Variants in POLN observed in about 807,000 individuals in gnomAD.
The protein encoded by POLN is DNA polymerase nu, also known as DNA polymerase N.
POLN carries 108 observed loss-of-function variants against 113.5 expected under a neutral mutation model. That is an observed-to-expected ratio of 0.95 (90% confidence interval 0.81 to 1.12). POLN has a LOEUF of 1.12. Among genes scored for constraint, POLN ranks in the 50% most tolerant of loss-of-function variants. The probability of loss-of-function intolerance (pLI) is 0.00; values close to 1 mark genes in which losing one functional copy is unlikely to be tolerated. For synonymous variants in POLN, 386 were observed against 391.5 expected (o/e 0.99, Z 0.17); for missense variants, 1,097 against 1,077.1 (o/e 1.02, Z -0.26).
intron 3 of POLN, among the ~76,000 whole-genome samples, chr4:2,224,815 G>A (rs1365293117): frequency 6.6e-6 from 1 of 152,120 alleles, no homozygotes; most frequent in Non-Finnish European, 1.5e-5. Flanking sequence ...GCCAGGCGTG[G>A]TGGCAGGCAC....
chr4:2,153,726 G>A (rs897724151), intron 16 of POLN, among the ~76,000 whole-genome samples: 12 of 151,700 alleles, frequency 7.9e-5, no homozygotes, highest in Admixed American at 7.2e-4. Flanking sequence ...GGGACCACAG[G>A]CGCCCACTAC....
At chr4:2,197,521 G>C (rs1173435823) in intron 6 of POLN, among the ~76,000 whole-genome samples, 1 of 152,120 alleles carries the variant, frequency 6.6e-6, no homozygotes. Context: ...AGTTCAGTTT[G>C]GACATGTTTG....
intron 16 of POLN, among the ~76,000 whole-genome samples, chr4:2,153,785 T>A (rs1732352754): frequency 6.6e-6 from 1 of 151,902 alleles, no homozygotes; most frequent in African/African-American, 2.4e-5. Flanking sequence ...GGGGTTTCAC[T>A]GTGTAAGCCA....
rs372841495 is a variant in POLN, at chr4:2,075,432, C to G, written c.2455+20G>C. 1.3e-5 allele frequency: 21 copies of G among 1,612,818 alleles called. No homozygotes were observed. In the East Asian group the frequency reaches 3.8e-4, roughly 29 times the overall value. The stretch of plus-strand genomic sequence containing the variant: ...TAGCTGTCTGTGATGTCCAAGCAAC[C>G]CTGTGTTGCCCCAGGCTACCTGCAC... On this transcript the variant is annotated intron_variant, in intron 24 of 25. Transcript: ENST00000511885.
chr4:2,181,745 G>A lies in POLN; in HGVS notation c.1022-2280C>T, dbSNP rs371311828. Among the ~76,000 whole-genome samples the A allele has an allele frequency of 1.6e-3, 242 of 152,194 alleles. 2 individuals are homozygous for A. The highest frequency in any genetic ancestry group is 5.2e-3 in the African/African-American group (216 of 41,544). ...TGTAATCCTAGCACTTTGGGAGGCC[G>A]AAGCAGGCAGATCACGAGGTCAGGA... is the stretch of plus-strand genomic sequence containing the variant. On this transcript the variant is annotated intron_variant, in intron 7 of 25. Coordinates refer to ENST00000511885, the MANE Select transcript of POLN (RefSeq NM_181808.4).
chr4:2,172,981 A>G (rs1306186018), intron 11 of POLN, among the ~76,000 whole-genome samples: 3 of 152,266 alleles, frequency 2.0e-5, no homozygotes, highest in Non-Finnish European at 4.4e-5. Context: ...AGTGACACAC[A>G]GAAACACAGG....
At chr4:2,234,946 C>T (rs1237057967) in intron 2 of POLN, among the ~76,000 whole-genome samples, 7 of 152,166 alleles carry the variant, frequency 4.6e-5, no homozygotes, top group Non-Finnish European at 7.3e-5. Flanking sequence ...AGTGCAGTGG[C>T]GCGATCTTGA....
At chr4:2,178,045 A>G (rs776685447) in intron 8 of POLN, among the ~76,000 whole-genome samples, 3 of 152,196 alleles carry the variant, frequency 2.0e-5, no homozygotes, top group Non-Finnish European at 4.4e-5. Flanking sequence ...GGGAGAGTGC[A>G]TTTCTGCAAC....
At chr4:2,198,748 C>T in intron 5 of POLN, 31 bp from the exon 6 acceptor site, 1 of 1,545,088 alleles carries the variant, frequency 6.5e-7, no homozygotes, top group Non-Finnish European at 8.8e-7. Flanking sequence ...AAATTAAACC[C>T]AGACAACATA....
In POLN at chr4:2,157,829, T is replaced by A. The variant is rs367906850; in HGVS notation, c.1665+29A>T. ...ACTCATACAAAAACCACAGTCCTAA[T>A]CACAGTATCTTTTTGTAAAGCTTGT... On this transcript the variant is annotated intron_variant, in intron 15 of 25. Transcript: ENST00000511885. 90 of 1,530,544 alleles carry A rather than the reference T, an allele frequency of 5.9e-5. 1 individual carries two copies. The African/African-American group carries it at 1.1e-3, about 19-fold the overall frequency. The allele number at this position is 1,530,544 out of a possible 1,614,324, so 94.8% of individuals were successfully genotyped here.
intron 2 of POLN, among the ~76,000 whole-genome samples, chr4:2,241,252 G>A (rs1022460249): frequency 5.3e-5 from 8 of 152,186 alleles, no homozygotes; most frequent in Non-Finnish European, 7.3e-5. Flanking sequence ...GAAACAATTA[G>A]GCTAGTTCTC....
At chr4:2,236,701 T>C (rs919069767) in intron 2 of POLN, among the ~76,000 whole-genome samples, 3 of 151,092 alleles carry the variant, frequency 2.0e-5, no homozygotes, top group African/African-American at 7.3e-5. Context: ...TCCACTAAAA[T>C]ACAAAAAAAA....
chr4:2,130,138 C>A (rs1458118574), intron 17 of POLN, among the ~76,000 whole-genome samples: 1 of 151,806 alleles, frequency 6.6e-6, no homozygotes, highest in Non-Finnish European at 1.5e-5. Context: ...GCCTGTAATC[C>A]CAGCTACTAG....
intron 19 of POLN, among the ~76,000 whole-genome samples, chr4:2,122,139 G>A (rs759975865): frequency 2.0e-5 from 3 of 151,996 alleles, no homozygotes; most frequent in Admixed American, 6.6e-5. Context: ...CCTCTCACAC[G>A]TTCTAAGGTA....
chr4:2,096,496 T>C (rs539270142), intron 19 of POLN, among the ~76,000 whole-genome samples: 2 of 151,998 alleles, frequency 1.3e-5, no homozygotes, highest in South Asian at 2.1e-4. Flanking sequence ...GACATCTGAG[T>C]AGCACAGGAG....
chr4:2,240,549 T>G, intron 2 of POLN: 6 of 1,613,664 alleles, frequency 3.7e-6, no homozygotes, highest in Non-Finnish European at 5.1e-6. Context: ...CCTCAGAGAT[T>G]TGTGGCTAGT....
intron 16 of POLN, among the ~76,000 whole-genome samples, chr4:2,142,145 T>C (rs1732017911): frequency 6.6e-6 from 1 of 152,228 alleles, no homozygotes; most frequent in Non-Finnish European, 1.5e-5. Context: ...AGGAAGCTTC[T>C]GAAATTCAAA....
At chr4:2,214,892 T>C (rs965421434) in intron 3 of POLN, among the ~76,000 whole-genome samples, 9 of 151,192 alleles carry the variant, frequency 6.0e-5, no homozygotes, top group Admixed American at 2.0e-4. Flanking sequence ...TACACATACA[T>C]ATACATATAT....
intron 24 of POLN, among the ~76,000 whole-genome samples, chr4:2,074,110 C>A (rs1343413217): frequency 2.0e-5 from 3 of 152,334 alleles, no homozygotes; most frequent in African/African-American, 7.2e-5. Flanking sequence ...CTCTTCTGTG[C>A]CTGGTGGGGT....
Sources: gnomAD v4.1 joint callset for allele counts (sites outside exome capture counted in the v4.1 genomes callset) on GRCh38, gnomAD v4.1.1 for gene constraint, MANE v1.5 for transcripts, NCBI Gene and HGNC (gene_info 2026-07-23, HGNC 2026-07-21) for gene names.